SLC25A24: variants seen among roughly 807,000 people sequenced by gnomAD.
SLC25A24 encodes mitochondrial adenyl nucleotide antiporter SLC25A24.
Under a neutral mutation model 60.7 loss-of-function variants are expected in SLC25A24, and 49 were observed. The observed-to-expected ratio is 0.81, with a 90% CI of 0.64 to 1.02. The LOEUF is 1.02. Ranked by LOEUF, SLC25A24 falls within the 50% of genes least tolerant of loss-of-function variation. The pLI is 0.00. For synonymous variants in SLC25A24, 202 were observed against 200.6 expected (o/e 1.01, Z -0.06); for missense variants, 564 against 586.3 (o/e 0.96, Z 0.39).
intron 3 of SLC25A24, among the ~76,000 whole-genome samples, chr1:108,166,665 C>CT (rs1190494492): frequency 2.0e-5 from 3 of 151,940 alleles, no homozygotes; most frequent in Non-Finnish European, 4.4e-5. Context: ...AAGCACTTCT[C>CT]TGTATTGGTT....
At chr1:108,155,208 A>C in intron 5 of SLC25A24, 73 bp from the exon 6 acceptor site, 1 of 1,294,052 alleles carries the variant, frequency 7.7e-7, no homozygotes, top group Non-Finnish European at 1.1e-6. Context: ...CAACCACACA[A>C]TCTTTTTCAA....
At chr1:108,139,686 G>A (rs1679392483) in intron 8 of SLC25A24, among the ~76,000 whole-genome samples, 1 of 151,970 alleles carries the variant, frequency 6.6e-6, no homozygotes, top group African/African-American at 2.4e-5. Context: ...GTAGTGCAGT[G>A]GCCCAATCTC....
chr1:108,159,519 A>G (rs1200087016), intron 4 of SLC25A24, among the ~76,000 whole-genome samples: 14 of 96,202 alleles, frequency 1.5e-4, no homozygotes, highest in African/African-American at 4.3e-4. Context: ...GCAGAGGGGG[A>G]TTTGGCAGGG....
chr1:108,147,675 CTG>C (rs1679640646), intron 7 of SLC25A24, among the ~76,000 whole-genome samples: 1 of 152,118 alleles, frequency 6.6e-6, no homozygotes, highest in Non-Finnish European at 1.5e-5. Context: ...TAATCAAATC[CTG>C]AGATTCCATT....
rs1369196030 is a variant in SLC25A24 at position 108,185,921 on chromosome 1, C to T, written c.217G>A (p.Gly73Arg). The change falls in exon 2 of 10, where the codon GGG becomes AGG. Residue 73 changes from glycine to arginine, a missense_variant. Coordinates refer to ENST00000565488, the MANE Select transcript of SLC25A24 (RefSeq NM_013386.5). The part of the protein sequence containing the change: ...IFTTGDVNKD[G>R]KLDFEEFMKY... ...ATAAATTCTTCAAAATCCAGCTTCC[C>T]ATCTTTGTTGACATCTCCAGTAGTA... 8 of 1,598,038 alleles carry T rather than the reference C, an allele frequency of 5.0e-6. No individual in the cohort carries two copies. The highest frequency in any genetic ancestry group is 1.7e-5 in the Admixed American group (1 of 59,052).
chr1:108,148,535 G>A, intron 6 of SLC25A24, 149 bp from the exon 7 acceptor site: 1 of 606,492 alleles, frequency 1.6e-6, no homozygotes, highest in Non-Finnish European at 3.0e-6. Flanking sequence ...GAGGTCATGA[G>A]GATGGAGCCC....
rs776813294 is a variant in SLC25A24 at position 108,148,357 on chromosome 1, T to C, written c.852A>G (p.Gln284=). Residue 284 remains glutamine, a synonymous_variant, in exon 7 of 10, where the codon CAA becomes CAG. Transcript: ENST00000565488. ...TAAATCTCTCAAATGTTCCTATTTT[T>C]TGTCCTTCTTCAGTAAGTAACTTCT... ...QYKKLLTEEG[Q]KIGTFERFIS... 1.2e-6 allele frequency: 2 copies of C among 1,612,348 alleles called. No homozygotes were observed. Among genetic ancestry groups the C allele is most frequent in the African/African-American group, 2.7e-5 (2 of 74,858 alleles).
chr1:108,162,497 G>A (rs573181038), intron 3 of SLC25A24, among the ~76,000 whole-genome samples: 2 of 149,478 alleles, frequency 1.3e-5, no homozygotes, highest in East Asian at 4.0e-4. Context: ...TAACTGGTGT[G>A]AGATGGTATC....
chr1:108,195,012 AGAG>A (rs1351027634), intron 1 of SLC25A24, among the ~76,000 whole-genome samples: 1 of 152,264 alleles, frequency 6.6e-6, no homozygotes, highest in Admixed American at 6.5e-5. Flanking sequence ...TCCACGTTTC[AGAG>A]TTAGGCTTCA....
At chr1:108,184,670 T>C (rs1283558559) in intron 2 of SLC25A24, among the ~76,000 whole-genome samples, 6 of 152,204 alleles carry the variant, frequency 3.9e-5, no homozygotes, top group Non-Finnish European at 7.4e-5. Flanking sequence ...TTATTGGAAA[T>C]CAGTCATCCC....
intron 1 of SLC25A24, among the ~76,000 whole-genome samples, chr1:108,191,992 G>T (rs1431228951): frequency 7.2e-6 from 1 of 138,620 alleles, no homozygotes; most frequent in Non-Finnish European, 1.6e-5. Flanking sequence ...ATCAATTAAG[G>T]CATATTATGA....
At chr1:108,143,949 C>G (rs1038977252) in intron 7 of SLC25A24, among the ~76,000 whole-genome samples, 5 of 152,124 alleles carry the variant, frequency 3.3e-5, no homozygotes, top group Non-Finnish European at 7.3e-5. Flanking sequence ...GAAATGGAAG[C>G]AAGATAATCT....
chr1:108,189,814 CAAA>C (rs34977169), intron 1 of SLC25A24, among the ~76,000 whole-genome samples: 2 of 106,496 alleles, frequency 1.9e-5, no homozygotes, highest in African/African-American at 3.5e-5. Flanking sequence ...GACTCCATCT[CAAA>C]AAAAAAAAAA....
rs565381393 is a variant in SLC25A24, at chr1:108,162,552, G to T, written c.399-1259C>A. ...CATTTCTCTGATGGCCAGTGATGGT[G>T]AGCATTTTTTCATGTGTTTTTTGGC... On this transcript the variant is annotated intron_variant, in intron 3 of 9. Transcript: ENST00000565488. Among the ~76,000 whole-genome samples, 844 of 150,832 alleles carry T rather than the reference G, an allele frequency of 5.6e-3. 2 individuals carry two copies. Among genetic ancestry groups the T allele is most frequent in the African/African-American group, 0.02 (808 of 40,956 alleles).
intron 4 of SLC25A24, among the ~76,000 whole-genome samples, chr1:108,160,800 AAC>A (rs1389986324): frequency 1.2e-4 from 18 of 152,252 alleles, no homozygotes; most frequent in South Asian, 2.1e-4. Flanking sequence ...AAATACGAAA[AAC>A]AGTCAGGCGT....
intron 1 of SLC25A24, chr1:108,192,899 T>G: frequency 1.7e-6 from 1 of 575,648 alleles, no homozygotes; most frequent in Non-Finnish European, 2.4e-6. Context: ...GCGGAGTTCC[T>G]GCCTCACTCA....
intron 3 of SLC25A24, among the ~76,000 whole-genome samples, chr1:108,165,861 G>A (rs1274461427): frequency 3.3e-5 from 5 of 152,226 alleles, no homozygotes; most frequent in Non-Finnish European, 5.9e-5. Context: ...TATTTTGCTC[G>A]TTTGTTAATG....
At chr1:108,144,142 T>C (rs994227035) in intron 7 of SLC25A24, among the ~76,000 whole-genome samples, 3 of 152,108 alleles carry the variant, frequency 2.0e-5, no homozygotes, top group Admixed American at 1.3e-4. Context: ...TTAAGTTTTT[T>C]TGAGAGGTGT....
intron 3 of SLC25A24, among the ~76,000 whole-genome samples, chr1:108,161,733 C>T (rs972983722): frequency 7.2e-5 from 11 of 151,842 alleles, no homozygotes; most frequent in Non-Finnish European, 1.5e-4. Context: ...TCAACTTCCT[C>T]GAAGTTAGGA....
Sources: gnomAD v4.1 joint callset for allele counts (sites outside exome capture counted in the v4.1 genomes callset) on GRCh38, gnomAD v4.1.1 for gene constraint, MANE v1.5 for transcripts, NCBI Gene and HGNC (gene_info 2026-07-23, HGNC 2026-07-21) for gene names.